PTPRT: variants seen among roughly 807,000 people sequenced by gnomAD.
PTPRT encodes the protein protein tyrosine phosphatase receptor type T.
Under a neutral mutation model 176.8 loss-of-function variants are expected in PTPRT, and 56 were observed. The ratio of observed to expected loss-of-function variants is 0.32; its 90% CI spans 0.26 to 0.40. The LOEUF (loss-of-function observed/expected upper bound fraction) is 0.40. PTPRT is among the 10% of genes least tolerant of loss of function. The pLI is 1.00. For missense variants in PTPRT, 1,540 were observed against 1,908.2 expected (o/e 0.81, Z 3.60); for synonymous variants, 783 against 739.0 (o/e 1.06, Z -0.96).
At chr20:42,380,249 G>T (rs183312338) in intron 9 of PTPRT, among the ~76,000 whole-genome samples, 23 of 152,246 alleles carry the variant, frequency 1.5e-4, no homozygotes, top group Admixed American at 2.0e-4. Flanking sequence ...CTGGATCCCT[G>T]ATCTAAATCA....
intron 13 of PTPRT, among the ~76,000 whole-genome samples, chr20:42,251,228 C>T (rs1017455464): frequency 6.6e-6 from 1 of 152,150 alleles, no homozygotes; most frequent in Admixed American, 6.5e-5. Flanking sequence ...GTGCCTGCTA[C>T]CAGGTCCTGT....
At chr20:42,777,465 C>T (rs1361380838) in intron 4 of PTPRT, among the ~76,000 whole-genome samples, 5 of 152,128 alleles carry the variant, frequency 3.3e-5, no homozygotes, top group African/African-American at 1.2e-4. Context: ...CTCCTCTGAC[C>T]ACTATATCCA....
intron 2 of PTPRT, among the ~76,000 whole-genome samples, chr20:42,808,171 C>T (rs1478235320): frequency 6.6e-6 from 1 of 152,186 alleles, no homozygotes; most frequent in Admixed American, 6.5e-5. Flanking sequence ...CTGAGGTCTG[C>T]GTCAACTCAC....
intron 5 of PTPRT, among the ~76,000 whole-genome samples, chr20:42,763,158 A>G (rs2076938847): frequency 6.6e-6 from 1 of 152,190 alleles, no homozygotes; most frequent in Non-Finnish European, 1.5e-5. Flanking sequence ...ATTATCTATC[A>G]AGGTTTCTGT....
intron 1 of PTPRT, among the ~76,000 whole-genome samples, chr20:43,056,334 C>A (rs1345154547): frequency 6.6e-6 from 1 of 152,166 alleles, no homozygotes; most frequent in East Asian, 1.9e-4. Context: ...AGTCCAGCCA[C>A]AGGAATGCAT....
At chr20:42,279,239 C>T (rs933793284) in intron 13 of PTPRT, among the ~76,000 whole-genome samples, 1 of 151,872 alleles carries the variant, frequency 6.6e-6, no homozygotes, top group African/African-American at 2.4e-5. Context: ...AAGGAAATTC[C>T]CTTGCTTTTT....
At chr20:42,294,570 A>C (rs2057361712) in intron 12 of PTPRT, among the ~76,000 whole-genome samples, 1 of 152,144 alleles carries the variant, frequency 6.6e-6, no homozygotes, top group South Asian at 2.1e-4. Flanking sequence ...TGAGAATCGT[A>C]TAAGCCACTT....
At chr20:42,798,609 G>T (rs1470788613) in intron 2 of PTPRT, among the ~76,000 whole-genome samples, 1 of 151,946 alleles carries the variant, frequency 6.6e-6, no homozygotes, top group East Asian at 1.9e-4. Context: ...GGTGTTAATT[G>T]GAACTTAATG....
intron 15 of PTPRT, among the ~76,000 whole-genome samples, chr20:42,234,361 T>C (rs778568948): frequency 6.6e-6 from 1 of 152,164 alleles, no homozygotes; most frequent in African/African-American, 2.4e-5. Context: ...CTATAACCAG[T>C]GCACGATAGA....
chr20:42,657,732 C>T (rs1289483218), intron 7 of PTPRT, among the ~76,000 whole-genome samples: 2 of 152,052 alleles, frequency 1.3e-5, no homozygotes, highest in Non-Finnish European at 1.5e-5. Flanking sequence ...CAAATGGTTC[C>T]ATGATCAGGA....
chr20:42,213,857 G>C (rs1336485203), intron 15 of PTPRT, among the ~76,000 whole-genome samples: 1 of 152,144 alleles, frequency 6.6e-6, no homozygotes, highest in African/African-American at 2.4e-5. Flanking sequence ...AATTATGAGA[G>C]GACAAATTTT....
chr20:42,251,754 A>T (rs142263291), intron 13 of PTPRT, among the ~76,000 whole-genome samples: 1 of 151,876 alleles, frequency 6.6e-6, no homozygotes, highest in Non-Finnish European at 1.5e-5. Context: ...TAGTATAACC[A>T]GGGCAAGAAA....
chr20:42,932,199 G>C (rs966282337), intron 1 of PTPRT, among the ~76,000 whole-genome samples: 7 of 152,230 alleles, frequency 4.6e-5, no homozygotes, highest in Non-Finnish European at 8.8e-5. Flanking sequence ...CAAAGACGTA[G>C]GTTAGAACTG....
intron 2 of PTPRT, among the ~76,000 whole-genome samples, chr20:42,814,309 G>A (rs1175557671): frequency 6.6e-6 from 1 of 152,018 alleles, no homozygotes; most frequent in Non-Finnish European, 1.5e-5. Context: ...TATTTGTCAA[G>A]AGGAATTCTG....
intron 7 of PTPRT, among the ~76,000 whole-genome samples, chr20:42,576,968 T>C (rs766278637): frequency 1.3e-5 from 2 of 152,144 alleles, no homozygotes; most frequent in African/African-American, 2.4e-5. Flanking sequence ...TGGCAAATGC[T>C]ATCATAAATG....
At chr20:42,598,354 A>T (rs541681231) in intron 7 of PTPRT, among the ~76,000 whole-genome samples, 1 of 152,168 alleles carries the variant, frequency 6.6e-6, no homozygotes. Flanking sequence ...ATGGTGTGAA[A>T]CTTTTTGAAA....
At chr20:42,904,600 G>A (rs192111723) in intron 1 of PTPRT, among the ~76,000 whole-genome samples, 1 of 152,298 alleles carries the variant, frequency 6.6e-6, no homozygotes, top group African/African-American at 2.4e-5. Context: ...GAAGTGCTGG[G>A]AAGAGAAGGG....
intron 1 of PTPRT, among the ~76,000 whole-genome samples, chr20:42,947,983 T>G (rs206653): frequency 0.017 from 2,567 of 151,774 alleles, 73 homozygotes; most frequent in African/African-American, 0.059. Context: ...TACATGCATT[T>G]GTTGAATGAA....
intron 15 of PTPRT, among the ~76,000 whole-genome samples, chr20:42,205,816 G>C (rs2055443696): frequency 1.3e-5 from 2 of 152,132 alleles, no homozygotes; most frequent in African/African-American, 2.4e-5. Context: ...GCCATAGGAA[G>C]TGGACCAAAA....
Sources: allele counts gnomAD v4.1 joint callset (sites outside exome capture counted in the v4.1 genomes callset), GRCh38; gene constraint gnomAD v4.1.1; transcripts MANE v1.5; gene names NCBI Gene and HGNC (gene_info 2026-07-23, HGNC 2026-07-21).